Variants in DNAH11 observed in about 807,000 individuals in gnomAD.
DNAH11 encodes the protein axonemal beta dynein heavy chain 11.
Under a neutral mutation model 526.0 loss-of-function variants are expected in DNAH11, and 442 were observed. The ratio of observed to expected loss-of-function variants is 0.84; its 90% CI spans 0.78 to 0.91. DNAH11 has a LOEUF of 0.91. Ranked by LOEUF, DNAH11 falls within the 40% of genes least tolerant of loss-of-function variation. The pLI, the probability that DNAH11 is intolerant of heterozygous loss-of-function variation, is 0.00. For missense variants in DNAH11, 6,989 were observed against 5,448.7 expected (o/e 1.28, Z -8.90); for synonymous variants, 2,461 against 1,935.9 (o/e 1.27, Z -7.12).
chr7:21,590,300 C>G (rs1318625290), intron 12 of DNAH11, among the ~76,000 whole-genome samples: 1 of 152,132 alleles, frequency 6.6e-6, no homozygotes. Context: ...AGATATGAGA[C>G]ATAAAATAAG....
chr7:21,818,660 ATAG>A (rs1270441670), intron 65 of DNAH11, among the ~76,000 whole-genome samples: 1 of 152,234 alleles, frequency 6.6e-6, no homozygotes, highest in Non-Finnish European at 1.5e-5. Flanking sequence ...AACACCTTGA[ATAG>A]GGCTGCCTAT....
chr7:21,773,874 C>T lies in DNAH11; in HGVS notation c.9211C>T (p.Pro3071Ser). ...QNERRHNYTTPKSFLEQISLF... is the reference protein window; with the variant it reads ...QNERRHNYTTSKSFLEQISLF... Reference sequence around the variant, plus strand: ...TGAGAGAAGACACAACTATACCACCCCAAAGAGTTTTCTAGAACAAATATC... The same window carrying T: ...TGAGAGAAGACACAACTATACCACCTCAAAGAGTTTTCTAGAACAAATATC... The change falls in exon 56 of 82, where the codon CCA becomes TCA. Residue 3071 changes from proline (P) to serine (S), a missense_variant. By Grantham distance (74) the Pro-to-Ser change is moderately conservative. Transcript: ENST00000409508. 1.2e-6 allele frequency: 2 copies of T among 1,606,466 alleles called. No individual in the cohort carries two copies. The highest frequency in any genetic ancestry group is 1.7e-6 in the Non-Finnish European group (2 of 1,176,458).
rs2128431199 is a variant in DNAH11 at position 21,559,668 on chromosome 7, A to G, written c.758A>G (p.Gln253Arg). Reference protein sequence around the residue: ...IESVVIEWSHQIQEIIERDSV... With the variant: ...IESVVIEWSHRIQEIIERDSV... ...TCTGTGGTTATTGAATGGTCACATC[A>G]AATCCAAGAAATTATAGAAAGAGAT... The change falls in exon 4 of 82, where the codon CAA (glutamine) becomes CGA (arginine). Residue 253 changes from glutamine to arginine, a missense_variant. Physicochemically the swap from Gln to Arg is conservative, Grantham distance 43. Transcript: ENST00000409508. The G allele has an allele frequency of 6.2e-7, 1 of 1,612,158 alleles. No individual in the cohort carries two copies. The highest frequency in any genetic ancestry group is 8.5e-7 in the Non-Finnish European group (1 of 1,179,134).
chr7:21,901,273 C>G lies in DNAH11; in HGVS notation c.*19C>G. 6.3e-7 allele frequency: 1 copy of G among 1,591,032 alleles called. No homozygotes were observed. The highest frequency in any genetic ancestry group is 8.6e-7 in the Non-Finnish European group (1 of 1,168,336). On this transcript the variant is annotated 3_prime_UTR_variant, in exon 82 of 82. Coordinates refer to ENST00000409508, the MANE Select transcript of DNAH11 (RefSeq NM_001277115.2). ...AGCGTAAGGTAACACTGGCATTCCTCTAGCCTCTGCTGGAGTGCAGTGAGG... is the reference window on the plus strand; with the variant it reads ...AGCGTAAGGTAACACTGGCATTCCTGTAGCCTCTGCTGGAGTGCAGTGAGG...
chr7:21,883,765 C>T (rs1202035143), intron 75 of DNAH11, among the ~76,000 whole-genome samples: 2 of 152,128 alleles, frequency 1.3e-5, no homozygotes, highest in African/African-American at 2.4e-5. Context: ...TAAGGCTGGG[C>T]ATGGCAGCTC....
chr7:21,599,724 G>A, intron 14 of DNAH11, 63 bp from the exon 15 acceptor site: 1 of 1,225,476 alleles, frequency 8.2e-7, no homozygotes, highest in East Asian at 2.5e-5. Context: ...TTTAAACGGA[G>A]AGTTTTAGTT....
chr7:21,794,992 G>T (rs1788650144), intron 61 of DNAH11, among the ~76,000 whole-genome samples: 1 of 152,100 alleles, frequency 6.6e-6, no homozygotes, highest in Admixed American at 6.5e-5. Flanking sequence ...TTACCTCTCT[G>T]TGGCTCTGGG....
In DNAH11 at chr7:21,819,926, C is replaced by T. The variant is rs144251435; in HGVS notation, c.10691+1587C>T. On this transcript the variant is annotated intron_variant, in intron 65 of 81. Coordinates refer to ENST00000409508, the MANE Select transcript of DNAH11 (RefSeq NM_001277115.2). ...TGATGAATTGATCATATCATTCTTG[C>T]ATTTCTTTTAAGGCCAAGAAGATTA... Among the ~76,000 whole-genome samples, 5 of 152,106 alleles carry T rather than the reference C, an allele frequency of 3.3e-5. 1 individual carries two copies. The highest frequency in any genetic ancestry group is 2.6e-4 in the Admixed American group (4 of 15,260).
At chr7:21,579,115 G>A (rs75417560) in intron 8 of DNAH11, among the ~76,000 whole-genome samples, 6,000 of 152,140 alleles carry the variant, frequency 0.039, 126 homozygotes, top group South Asian at 0.062. Flanking sequence ...TTCTCCACAC[G>A]GCAGCCTGAG....
chr7:21,687,848 A>C (rs1783449013), intron 34 of DNAH11, among the ~76,000 whole-genome samples: 1 of 152,204 alleles, frequency 6.6e-6, no homozygotes, highest in South Asian at 2.1e-4. Context: ...TGAGCCCAGA[A>C]GTTCAACACC....
At chr7:21,674,007 A>C (rs560994183) in intron 30 of DNAH11, among the ~76,000 whole-genome samples, 1 of 144,504 alleles carries the variant, frequency 6.9e-6, no homozygotes, top group Non-Finnish European at 1.5e-5. Context: ...CCTGTTCCTT[A>C]TGGCTCTATT....
At position 21,651,393 on chromosome 7, in the gene DNAH11, C is replaced by T. The variant is rs866881564; in HGVS notation, c.4945-4439C>T. Among the ~76,000 whole-genome samples the T allele has an allele frequency of 1.8e-3, 273 of 151,978 alleles. 1 individual carries two copies. The highest frequency in any genetic ancestry group is 5.9e-3 in the African/African-American group (244 of 41,456). On this transcript the variant is annotated intron_variant, in intron 28 of 81. Transcript: ENST00000409508. ...ATTTATTTTTTTTGAGACAGAGTCT[C>T]GCTCTGTCACCCAGGCTGGAGTGCA...
chr7:21,900,929 T>TGC (rs1052987859), intron 81 of DNAH11, 78 bp from the exon 82 acceptor site: 8 of 1,395,480 alleles, frequency 5.7e-6, no homozygotes, highest in Non-Finnish European at 6.6e-6. Flanking sequence ...GAATGTTTAT[T>TGC]GCATCAAACA....
chr7:21,806,379 G>A (rs1355535542), intron 62 of DNAH11, among the ~76,000 whole-genome samples: 1 of 152,162 alleles, frequency 6.6e-6, no homozygotes, highest in Non-Finnish European at 1.5e-5. Flanking sequence ...AGGAACAAAA[G>A]TAATAAATTT....
chr7:21,599,772 C>T lies in DNAH11; in HGVS notation c.2668-15C>T, dbSNP rs1335316744. 2.7e-6 allele frequency: 4 copies of T among 1,506,360 alleles called. No homozygotes were observed. The highest frequency in any genetic ancestry group is 1.4e-5 in the African/African-American group (1 of 71,600). 93.3% of individuals were successfully genotyped at this position (1,506,360 alleles called of 1,614,324 possible). ...ATTTGTTTATATTCATCCACTAATA[C>T]TTGTCTGTTTCTAGGAAAATAGGAA... On this transcript the variant is annotated splice_polypyrimidine_tract_variant and intron_variant, in intron 14 of 81. Transcript: ENST00000409508.
intron 14 of DNAH11, among the ~76,000 whole-genome samples, chr7:21,592,171 C>G (rs1376121850): frequency 6.6e-6 from 1 of 152,146 alleles, no homozygotes; most frequent in Non-Finnish European, 1.5e-5. Flanking sequence ...AGCTTACACT[C>G]TAGTCAGAGG....
At chr7:21,781,172 A>G (rs985231279) in intron 57 of DNAH11, among the ~76,000 whole-genome samples, 11 of 152,178 alleles carry the variant, frequency 7.2e-5, no homozygotes, top group Admixed American at 6.6e-5. Flanking sequence ...TTCTGGTCCT[A>G]TGAAATTGGG....
At chr7:21,861,795 G>T in intron 68 of DNAH11, 58 bp from the exon 69 acceptor site, 1 of 1,595,362 alleles carries the variant, frequency 6.3e-7, no homozygotes, top group Non-Finnish European at 8.6e-7. Flanking sequence ...TGTATCGGGG[G>T]TAGCTAGACA....
In DNAH11 at chr7:21,893,490, T is replaced by C. The variant is rs867909209; in HGVS notation, c.12750+823T>C. 5.8e-4 allele frequency among the ~76,000 whole-genome samples: 89 copies of C among 152,278 alleles called. 2 individuals carry two copies. Among genetic ancestry groups the C allele is most frequent in the Non-Finnish European group, 3.2e-4 (22 of 68,022 alleles). ...GTTTAAGATTTCAGGACCTGATAAA[T>C]TGCCGGTCAGAGTGATGCCAGCTGG... On this transcript the variant is annotated intron_variant, in intron 77 of 81. Transcript: ENST00000409508.
Sources: gnomAD v4.1 joint callset for allele counts (sites outside exome capture counted in the v4.1 genomes callset) on GRCh38, gnomAD v4.1.1 for gene constraint, MANE v1.5 for transcripts, NCBI Gene and HGNC (gene_info 2026-07-23, HGNC 2026-07-21) for gene names.